The following LLPH variants were observed in gnomAD, a reference collection of about 807,000 sequenced individuals.
LLPH encodes protein LLP homolog.
A neutral mutation model predicts 13.3 loss-of-function variants in LLPH; 5 were observed. The ratio of observed to expected loss-of-function variants is 0.38; its 90% confidence interval spans 0.20 to 0.79. The LOEUF is 0.79. Ranked by LOEUF, LLPH falls within the 30% of genes least tolerant of loss-of-function variation. The probability of loss-of-function intolerance (pLI) is 0.45; values close to 1 mark genes in which losing one functional copy is unlikely to be tolerated. For synonymous variants in LLPH, 32 were observed against 44.2 expected, an observed-to-expected ratio of 0.72 and a Z score of 1.09; for missense variants, 129 against 152.1, an observed-to-expected ratio of 0.85 and a Z score of 0.80.
Position 66,123,712 on chromosome 12 carries a change from A to G in LLPH, c.*128T>C. 1 of 1,002,082 alleles carries G rather than the reference A, an allele frequency of 1.0e-6. No homozygotes were observed. Among genetic ancestry groups the G allele is most frequent in the Non-Finnish European group, 1.5e-6 (1 of 683,822 alleles). 62.1% of individuals were successfully genotyped at this position (1,002,082 alleles called of 1,614,324 possible). A position where few individuals can be genotyped will look rare whatever the true frequency, so the allele number is the denominator to read the frequency against. ...GAGTTATGCTGGGTTTGAATTGAAG[A>G]AAAAAGGCCAAGTTAAAATAGGAAA... On this transcript the variant is annotated 3_prime_UTR_variant, in exon 3 of 3. Coordinates refer to ENST00000266604, the MANE Select transcript of LLPH (RefSeq NM_032338.4).
rs141413773 is a variant in LLPH, at chr12:66,117,974, G to A, written c.*5866C>T. ...GTTATACAGTTTAAAAAATTAAAAC[G>A]TTTATAAGGTAAAAAAGTTACAGGA... On this transcript the variant is annotated 3_prime_UTR_variant, in exon 3 of 3. Coordinates refer to ENST00000266604, the MANE Select transcript of LLPH (RefSeq NM_032338.4). 6 of 152,210 alleles carry A rather than the reference G, an allele frequency of 3.9e-5. No individual in the cohort carries two copies. The highest frequency in any genetic ancestry group is 2.6e-4 in the Admixed American group (4 of 15,282). The allele number at this position is 152,210 out of a possible 1,614,324, so 9.4% of individuals were successfully genotyped here. A position where few individuals can be genotyped will look rare whatever the true frequency, so the allele number is the denominator to read the frequency against.
Position 66,120,653 on chromosome 12 carries a change from AT to A in LLPH, c.*3186del, listed in dbSNP as rs1193800709. The A allele has an allele frequency of 1.2e-4, 18 of 152,328 alleles. No homozygotes were observed. In the East Asian group the frequency reaches 3.5e-3, roughly 29 times the overall value. The allele number at this position is 152,328 out of a possible 1,614,324, so 9.4% of individuals were successfully genotyped here. On this transcript the variant is annotated 3_prime_UTR_variant, in exon 3 of 3. Transcript: ENST00000266604. ...GCTCACTCAATCTAATTCCAAAATG[AT>A]TTGGTGCTTAGCTTGAGCTCCATCT...
chr12:66,119,210 T>G lies in LLPH; in HGVS notation c.*4630A>C, dbSNP rs1308877907. ...TTAAAGTATTGATCCCACAGTGTTTTAAAGATTAAATAATATACATAAAGC... is the reference window on the plus strand; with the variant it reads ...TTAAAGTATTGATCCCACAGTGTTTGAAAGATTAAATAATATACATAAAGC... On this transcript the variant is annotated 3_prime_UTR_variant, in exon 3 of 3. Coordinates refer to ENST00000266604, the MANE Select transcript of LLPH (RefSeq NM_032338.4). The G allele has an allele frequency of 6.6e-6, 1 of 152,224 alleles. No individual in the cohort carries two copies. Among genetic ancestry groups the G allele is most frequent in the Non-Finnish European group, 1.5e-5 (1 of 68,040 alleles). 9.4% of individuals were successfully genotyped at this position (152,224 alleles called of 1,614,324 possible).
rs966814426 is a variant in LLPH, at chr12:66,126,062, C to A, written c.212-2044G>T. On this transcript the variant is annotated intron_variant, in intron 2 of 2. Coordinates refer to ENST00000266604, the MANE Select transcript of LLPH (RefSeq NM_032338.4). ...ACAGTAGGCCAGGCGCAGTGGCTCA[C>A]GCCTGTAATCCCAGCACTTTGGGAG... Among the ~76,000 whole-genome samples, 3 of 152,148 alleles carry A rather than the reference C, an allele frequency of 2.0e-5. No homozygotes were observed. The South Asian group carries it at 6.2e-4, about 31-fold the overall frequency.
Position 66,122,754 on chromosome 12 carries a change from G to A in LLPH, c.*1086C>T, listed in dbSNP as rs2051471216. 6.6e-6 allele frequency: 1 copy of A among 151,942 alleles called. No individual in the cohort carries two copies. The highest frequency in any genetic ancestry group is 1.5e-5 in the Non-Finnish European group (1 of 68,018). The allele number at this position is 151,942 out of a possible 1,614,324, so 9.4% of individuals were successfully genotyped here. ...TCTTTTGTAAATCTTCAAGTATGTA[G>A]CATTTCCCAAATCGATGTGAACACA... On this transcript the variant is annotated 3_prime_UTR_variant, in exon 3 of 3. Coordinates refer to ENST00000266604, the MANE Select transcript of LLPH (RefSeq NM_032338.4).
At chr12:66,128,285 A>T (rs1273026939) in intron 2 of LLPH, among the ~76,000 whole-genome samples, 1 of 152,210 alleles carries the variant, frequency 6.6e-6, no homozygotes, top group Non-Finnish European at 1.5e-5. Flanking sequence ...GGTATTGCAA[A>T]TACTTAATTT....
rs1331186217 is a variant in LLPH, at chr12:66,121,465, A to G, written c.*2375T>C. Reference sequence around the variant, plus strand: ...GCCCAGCTAACTTTGTATTTTTAGTAGAGACAGGGTTTCACCATGTTGGTC... The same window carrying G: ...GCCCAGCTAACTTTGTATTTTTAGTGGAGACAGGGTTTCACCATGTTGGTC... On this transcript the variant is annotated 3_prime_UTR_variant, in exon 3 of 3. Coordinates refer to ENST00000266604, the MANE Select transcript of LLPH (RefSeq NM_032338.4). 6.6e-6 allele frequency: 1 copy of G among 151,728 alleles called. No individual in the cohort carries two copies. The highest frequency in any genetic ancestry group is 1.5e-5 in the Non-Finnish European group (1 of 67,990). 9.4% of individuals were successfully genotyped at this position (151,728 alleles called of 1,614,324 possible). A position where few individuals can be genotyped will look rare whatever the true frequency, so the allele number is the denominator to read the frequency against.
chr12:66,124,060 A>G (rs748186708), intron 2 of LLPH, 42 bp from the exon 3 acceptor site: 94 of 1,373,886 alleles, frequency 6.8e-5, no homozygotes, highest in Non-Finnish European at 8.9e-5. Context: ...CATGTATGAA[A>G]AAAACCACCC....
chr12:66,124,047 C>T (rs772701174), intron 2 of LLPH, 29 bp from the exon 3 acceptor site: 9 of 1,520,788 alleles, frequency 5.9e-6, no homozygotes, highest in Admixed American at 3.9e-5. Flanking sequence ...AAACTATTAA[C>T]ACCATGTATG....
chr12:66,120,853 G>A lies in LLPH; in HGVS notation c.*2987C>T, dbSNP rs1262284814. ...CCCCTGCACTAATTTTGAAATGCTAGTCTAAATTTCCTGCCAATATTTGGA... is the reference window on the plus strand; with the variant it reads ...CCCCTGCACTAATTTTGAAATGCTAATCTAAATTTCCTGCCAATATTTGGA... On this transcript the variant is annotated 3_prime_UTR_variant, in exon 3 of 3. Transcript: ENST00000266604. 1 of 152,246 alleles carries A rather than the reference G, an allele frequency of 6.6e-6. No homozygotes were observed. Among genetic ancestry groups the A allele is most frequent in the Non-Finnish European group, 1.5e-5 (1 of 68,062 alleles). The allele number at this position is 152,246 out of a possible 1,614,324, so 9.4% of individuals were successfully genotyped here. A position where few individuals can be genotyped will look rare whatever the true frequency, so the allele number is the denominator to read the frequency against.
intron 2 of LLPH, among the ~76,000 whole-genome samples, chr12:66,124,254 C>G (rs2051482748): frequency 6.6e-6 from 1 of 152,134 alleles, no homozygotes. Context: ...ATATATGGTT[C>G]TGAGCACATG....
rs776423359 is a variant in LLPH, at chr12:66,124,058, A to G, written c.212-40T>C. On this transcript the variant is annotated intron_variant, in intron 2 of 2. Coordinates refer to ENST00000266604, the MANE Select transcript of LLPH (RefSeq NM_032338.4). ...GGAAAAACTATTAACACCATGTATGAAAAAAACCACCCTGTGAAAGCATAT... is the reference window on the plus strand; with the variant it reads ...GGAAAAACTATTAACACCATGTATGGAAAAAACCACCCTGTGAAAGCATAT... The G allele has an allele frequency of 5.8e-6, 8 of 1,384,208 alleles. No individual in the cohort carries two copies. In the South Asian group the frequency reaches 1.0e-4, roughly 18 times the overall value. The allele number at this position is 1,384,208 out of a possible 1,614,324, so 85.7% of individuals were successfully genotyped here.
chr12:66,128,799 T>A, intron 2 of LLPH, 97 bp downstream of exon 2: 1 of 791,278 alleles, frequency 1.3e-6, no homozygotes. Context: ...GAAGCTATAA[T>A]CACACCACTG....
At position 66,124,043 on chromosome 12, in the gene LLPH, T is replaced by C. The variant is rs749842066; in HGVS notation, c.212-25A>G. The C allele has an allele frequency of 9.1e-6, 14 of 1,540,160 alleles. No individual in the cohort carries two copies. In the Admixed American group the frequency reaches 2.6e-4, roughly 28 times the overall value. ...TCTGCATAAAAAGATGGAAAAACTA[T>C]TAACACCATGTATGAAAAAAACCAC... On this transcript the variant is annotated intron_variant, in intron 2 of 2. Transcript: ENST00000266604.
intron 1 of LLPH, among the ~76,000 whole-genome samples, chr12:66,130,135 C>CAG (rs1433559416): frequency 6.6e-6 from 1 of 152,190 alleles, no homozygotes; most frequent in Non-Finnish European, 1.5e-5. Flanking sequence ...CTATGCCTGG[C>CAG]AACTGCTCTT....
intron 2 of LLPH, among the ~76,000 whole-genome samples, chr12:66,126,140 T>C (rs1376280958): frequency 1.3e-5 from 2 of 151,692 alleles, no homozygotes; most frequent in African/African-American, 2.4e-5. Flanking sequence ...CTGGCTAACA[T>C]GGTGAAACCC....
At position 66,122,834 on chromosome 12, in the gene LLPH, CG is replaced by C. The variant is rs1002176683; in HGVS notation, c.*1005del. 4 of 151,886 alleles carry C rather than the reference CG, an allele frequency of 2.6e-5. No individual in the cohort carries two copies. The highest frequency in any genetic ancestry group is 9.7e-5 in the African/African-American group (4 of 41,342). 9.4% of individuals were successfully genotyped at this position (151,886 alleles called of 1,614,324 possible). ...GAAACTGATACTGAAGAACACACTC[CG>C]GGGAATGCTGCATGATACTATATTA... On this transcript the variant is annotated 3_prime_UTR_variant, in exon 3 of 3. Coordinates refer to ENST00000266604, the MANE Select transcript of LLPH (RefSeq NM_032338.4).
chr12:66,124,745 T>A (rs547196965), intron 2 of LLPH, among the ~76,000 whole-genome samples: 47 of 152,272 alleles, frequency 3.1e-4, no homozygotes, highest in African/African-American at 1.1e-3. Context: ...TCTAGAATAG[T>A]GTCTGGTATA....
intron 2 of LLPH, among the ~76,000 whole-genome samples, chr12:66,126,879 C>T (rs1178818959): frequency 2.0e-5 from 3 of 150,650 alleles, no homozygotes; most frequent in South Asian, 2.1e-4. Context: ...TGTGGTGAGC[C>T]GAGATCATGC....
Sources: gnomAD v4.1 joint callset for allele counts (sites outside exome capture counted in the v4.1 genomes callset) on GRCh38, gnomAD v4.1.1 for gene constraint, MANE v1.5 for transcripts, NCBI Gene and HGNC (gene_info 2026-07-23, HGNC 2026-07-21) for gene names.